The following BCAR3 variants were observed in gnomAD, a reference collection of about 807,000 sequenced individuals.
The protein encoded by BCAR3 is breast cancer anti-estrogen resistance protein 3.
BCAR3 carries 37 observed loss-of-function variants against 80.1 expected under a neutral mutation model. The observed-to-expected ratio is 0.46, with a 90% CI of 0.36 to 0.61. The LOEUF is 0.61. Ranked by LOEUF, BCAR3 falls within the 20% of genes least tolerant of loss-of-function variation. BCAR3 has a pLI of 0.00. For missense variants in BCAR3, 978 were observed against 1,068.2 expected, an observed-to-expected ratio of 0.92 and a Z score of 1.18; for synonymous variants, 389 against 418.9, an observed-to-expected ratio of 0.93 and a Z score of 0.87.
chr1:93,633,438 C>T (rs1675685087), intron 3 of BCAR3, among the ~76,000 whole-genome samples: 1 of 152,186 alleles, frequency 6.6e-6, no homozygotes, highest in South Asian at 2.1e-4. Flanking sequence ...CTGGTCTGAC[C>T]TGACTGAACA....
intron 2 of BCAR3, among the ~76,000 whole-genome samples, chr1:93,758,841 T>A (rs1651834367): frequency 6.6e-6 from 1 of 152,192 alleles, no homozygotes; most frequent in East Asian, 1.9e-4. Context: ...GGGTGGCAAC[T>A]GAGGAGAGGC....
chr1:93,627,456 C>T (rs558051576), intron 3 of BCAR3, among the ~76,000 whole-genome samples: 1 of 152,292 alleles, frequency 6.6e-6, no homozygotes, highest in South Asian at 2.1e-4. Context: ...AATACTCCTC[C>T]CTTTCTGAAC....
At chr1:93,568,038 T>A in intron 9 of BCAR3, 187 bp from the exon 10 acceptor site, 1 of 484,472 alleles carries the variant, frequency 2.1e-6, no homozygotes, top group Non-Finnish European at 3.8e-6. Flanking sequence ...ATACAAAAAT[T>A]AGCCAGGCGT....
chr1:93,834,534 T>A (rs1654695178), intron 2 of BCAR3, among the ~76,000 whole-genome samples: 1 of 152,198 alleles, frequency 6.6e-6, no homozygotes, highest in Non-Finnish European at 1.5e-5. Flanking sequence ...CAGGGCCGTG[T>A]GGTTAGAATT....
chr1:93,819,704 C>T (rs1208843908), intron 2 of BCAR3, among the ~76,000 whole-genome samples: 1 of 152,182 alleles, frequency 6.6e-6, no homozygotes, highest in Non-Finnish European at 1.5e-5. Flanking sequence ...TCACCTACCA[C>T]AAACACTATA....
chr1:93,685,395 A>AC (rs1648941988), upstream of BCAR3, among the ~76,000 whole-genome samples: 1 of 151,576 alleles, frequency 6.6e-6, no homozygotes, highest in South Asian at 2.1e-4. Context: ...GAGTGTTATT[A>AC]CCCCCTCCCT....
chr1:93,650,099 T>C (rs1438518764), intron 2 of BCAR3, among the ~76,000 whole-genome samples: 3 of 150,330 alleles, frequency 2.0e-5, no homozygotes, highest in Non-Finnish European at 4.4e-5. Context: ...ACCTGTAATG[T>C]GTGCGAGTAA....
intron 2 of BCAR3, among the ~76,000 whole-genome samples, chr1:93,809,000 G>A (rs955227972): frequency 4.7e-4 from 72 of 152,144 alleles, no homozygotes; most frequent in African/African-American, 1.6e-3. Context: ...AAAACAAAGC[G>A]TAAAAGTATG....
At chr1:93,706,363 A>C (rs1051859383) in intron 2 of BCAR3, among the ~76,000 whole-genome samples, 1 of 152,162 alleles carries the variant, frequency 6.6e-6, no homozygotes, top group African/African-American at 2.4e-5. Context: ...TTGTCTCAGC[A>C]GGTTACAATT....
chr1:93,585,136 A>G (rs924599394), intron 5 of BCAR3: 11 of 980,222 alleles, frequency 1.1e-5, no homozygotes, highest in Middle Eastern at 5.2e-4. Context: ...GCTGGACTCC[A>G]GGGGCCAGAA....
intron 2 of BCAR3, among the ~76,000 whole-genome samples, chr1:93,739,430 T>A (rs1651102779): frequency 6.6e-6 from 1 of 152,228 alleles, no homozygotes; most frequent in African/African-American, 2.4e-5. Flanking sequence ...CTGATTAAAA[T>A]CTTTATGTTT....
At chr1:93,819,989 G>A (rs142179262) in intron 2 of BCAR3, among the ~76,000 whole-genome samples, 1 of 152,082 alleles carries the variant, frequency 6.6e-6, no homozygotes. Context: ...TCAATGTTTA[G>A]CTCCATTTAT....
At chr1:93,708,963 C>A (rs6660968) in intron 2 of BCAR3, among the ~76,000 whole-genome samples, 21,577 of 152,032 alleles carry the variant, frequency 0.14, 1,662 homozygotes, top group African/African-American at 0.2. Flanking sequence ...AAGCTTCGGG[C>A]TTGCAAAAAC....
intron 3 of BCAR3, among the ~76,000 whole-genome samples, chr1:93,593,045 G>A (rs1261605004): frequency 1.3e-5 from 2 of 152,166 alleles, no homozygotes; most frequent in Non-Finnish European, 2.9e-5. Flanking sequence ...AGACAACCCT[G>A]GTCCTTCACC....
intron 2 of BCAR3, among the ~76,000 whole-genome samples, chr1:93,764,536 C>T (rs1571108339): frequency 6.6e-6 from 1 of 152,222 alleles, no homozygotes; most frequent in Admixed American, 6.5e-5. Context: ...CTCTCACAGT[C>T]ACATCTCTGC....
At chr1:93,820,075 C>T (rs1654161247) in intron 2 of BCAR3, among the ~76,000 whole-genome samples, 1 of 152,160 alleles carries the variant, frequency 6.6e-6, no homozygotes, top group Non-Finnish European at 1.5e-5. Flanking sequence ...TAACAGTAAA[C>T]TCTAAACTCA....
chr1:93,822,231 G>A (rs1023189098), intron 2 of BCAR3, among the ~76,000 whole-genome samples: 44 of 150,792 alleles, frequency 2.9e-4, no homozygotes, highest in African/African-American at 1.1e-3. Context: ...AGGATGGAGT[G>A]CAGTGGTGTG....
At chr1:93,597,603 G>C (rs895165181) in intron 3 of BCAR3, among the ~76,000 whole-genome samples, 4 of 152,218 alleles carry the variant, frequency 2.6e-5, no homozygotes, top group Non-Finnish European at 4.4e-5. Flanking sequence ...AGGATTAAAT[G>C]GGTCAACATC....
chr1:93,688,301 T>C lies in BCAR3; in HGVS notation c.-11-13360A>G, dbSNP rs79613565. Among the ~76,000 whole-genome samples, 1,364 of 152,370 alleles carry C rather than the reference T, an allele frequency of 9.0e-3. 14 individuals carry two copies. Among genetic ancestry groups the C allele is most frequent in the South Asian group, 0.03 (145 of 4,824 alleles). ...CTTGACAACATAGGCTCATTTTCTA[T>C]GCAAAGTACACCTCAACCTGATTGT... On this transcript the variant is annotated intron_variant, in intron 3 of 13. Transcript: ENST00000370244.
Sources: gnomAD v4.1 joint callset for allele counts (sites outside exome capture counted in the v4.1 genomes callset) on GRCh38, gnomAD v4.1.1 for gene constraint, MANE v1.5 for transcripts, NCBI Gene and HGNC (gene_info 2026-07-23, HGNC 2026-07-21) for gene names.